GALNTL6: variants seen among roughly 807,000 people sequenced by gnomAD.
The protein encoded by GALNTL6 is polypeptide N-acetylgalactosaminyltransferase like 6.
Under a neutral mutation model 73.7 loss-of-function variants are expected in GALNTL6, and 46 were observed. That is an observed-to-expected ratio of 0.62 (90% CI 0.49 to 0.80). GALNTL6 has a LOEUF of 0.80. Among genes scored for constraint, GALNTL6 ranks in the 30% least tolerant of loss-of-function variants. The pLI is 0.00. For missense variants in GALNTL6, 604 were observed against 755.0 expected, an observed-to-expected ratio of 0.80 and a Z score of 2.34; for synonymous variants, 259 against 263.7, an observed-to-expected ratio of 0.98 and a Z score of 0.17.
chr4:171,842,354 C>T (rs1421382268), intron 2 of GALNTL6, among the ~76,000 whole-genome samples: 1 of 152,064 alleles, frequency 6.6e-6, no homozygotes, highest in Non-Finnish European at 1.5e-5. Context: ...TGCAATTATA[C>T]ACTTTTAATA....
At chr4:172,494,485 A>G (rs1387871687) in intron 5 of GALNTL6, among the ~76,000 whole-genome samples, 3 of 152,196 alleles carry the variant, frequency 2.0e-5, no homozygotes, top group Non-Finnish European at 4.4e-5. Context: ...CAGAACTAAC[A>G]GGATAGATGA....
chr4:171,813,938 C>G lies in GALNTL6; in HGVS notation c.-222C>G, dbSNP rs934247930. ...TGCCCGGATCCCGAGTCCCTGGATC[C>G]CGGTGGAGCCCGCCGGCAAGCTGGC... is the stretch of plus-strand genomic sequence containing the variant. On this transcript the variant is annotated 5_prime_UTR_variant, in exon 1 of 13. Transcript: ENST00000506823. This position sits in a 1 kb window ranked among gnomAD's most constrained non-coding sequence, Gnocchi z 5.2. 1 of 152,396 alleles carries G rather than the reference C, an allele frequency of 6.6e-6. No individual in the cohort carries two copies. The highest frequency in any genetic ancestry group is 1.5e-5 in the Non-Finnish European group (1 of 68,226). The allele number at this position is 152,396 out of a possible 1,614,324, so 9.4% of individuals were successfully genotyped here. A position where few individuals can be genotyped will look rare whatever the true frequency, so the allele number is the denominator to read the frequency against.
At chr4:172,007,543 A>G (rs978843783) in intron 2 of GALNTL6, among the ~76,000 whole-genome samples, 9 of 152,154 alleles carry the variant, frequency 5.9e-5, no homozygotes, top group African/African-American at 1.9e-4. Context: ...ATATACAACA[A>G]TATCGATCAT....
chr4:172,994,491 A>G (rs543859898), intron 10 of GALNTL6, among the ~76,000 whole-genome samples: 1 of 152,334 alleles, frequency 6.6e-6, no homozygotes, highest in East Asian at 1.9e-4. Context: ...CTCACAGAGA[A>G]ATATTTCAGG....
chr4:171,867,445 T>C (rs1735999908), intron 2 of GALNTL6, among the ~76,000 whole-genome samples: 1 of 152,202 alleles, frequency 6.6e-6, no homozygotes, highest in South Asian at 2.1e-4. Flanking sequence ...TCACCAGCGA[T>C]TTGTCTTTGC....
At chr4:172,156,558 TATATATATAC>T (rs1162548956) in intron 2 of GALNTL6, among the ~76,000 whole-genome samples, 24 of 132,664 alleles carry the variant, frequency 1.8e-4, no homozygotes, top group South Asian at 4.4e-4. Context: ...TATATATATA[TATATATATAC>T]ATACTATATA....
chr4:171,860,879 C>A (rs1409731095), intron 2 of GALNTL6, among the ~76,000 whole-genome samples: 1 of 152,082 alleles, frequency 6.6e-6, no homozygotes, highest in African/African-American at 2.4e-5. Flanking sequence ...TAAGATTTCT[C>A]CCATCTGCTG....
intron 10 of GALNTL6, among the ~76,000 whole-genome samples, chr4:172,989,480 G>A (rs1751448440): frequency 6.6e-6 from 1 of 152,156 alleles, no homozygotes; most frequent in South Asian, 2.1e-4. Context: ...AGAATGATAT[G>A]GTTTGGATTT....
chr4:172,875,322 A>C (rs1432782943), intron 7 of GALNTL6, among the ~76,000 whole-genome samples: 2 of 152,190 alleles, frequency 1.3e-5, no homozygotes, highest in African/African-American at 4.8e-5. Flanking sequence ...GGCCGCTTAG[A>C]AATTAGAAAT....
chr4:172,076,449 C>T (rs1208613839), intron 2 of GALNTL6, among the ~76,000 whole-genome samples: 1 of 152,006 alleles, frequency 6.6e-6, no homozygotes, highest in African/African-American at 2.4e-5. Flanking sequence ...AATTGTGTTG[C>T]TGGAAGTACG....
At chr4:172,044,976 C>T (rs180797380) in intron 2 of GALNTL6, among the ~76,000 whole-genome samples, 10 of 152,054 alleles carry the variant, frequency 6.6e-5, no homozygotes, top group Non-Finnish European at 1.5e-5. Flanking sequence ...AAATGTAAAA[C>T]CCATGTCAAG....
At chr4:172,503,417 T>A (rs1734331674) in intron 5 of GALNTL6, among the ~76,000 whole-genome samples, 1 of 151,610 alleles carries the variant, frequency 6.6e-6, no homozygotes. Context: ...TATGTTATAT[T>A]TCTTATGCAA....
intron 9 of GALNTL6, among the ~76,000 whole-genome samples, chr4:172,935,665 TA>T (rs1239112906): frequency 6.6e-5 from 10 of 152,080 alleles, no homozygotes; most frequent in Non-Finnish European, 1.3e-4. Context: ...TCTACCCAAA[TA>T]AACTAGAAAA....
intron 3 of GALNTL6, among the ~76,000 whole-genome samples, chr4:172,273,285 T>C (rs913922267): frequency 1.3e-5 from 2 of 152,126 alleles, no homozygotes; most frequent in African/African-American, 4.8e-5. Context: ...ACAGATACAA[T>C]AGTGTGTGCA....
chr4:172,639,854 T>C (rs1302926930), intron 5 of GALNTL6, among the ~76,000 whole-genome samples: 2 of 152,124 alleles, frequency 1.3e-5, no homozygotes, highest in African/African-American at 4.8e-5. Flanking sequence ...TTATCCTTTT[T>C]CATCTACTCA....
chr4:172,944,465 A>G (rs1749062402), intron 9 of GALNTL6, among the ~76,000 whole-genome samples: 1 of 152,242 alleles, frequency 6.6e-6, no homozygotes, highest in East Asian at 1.9e-4. Context: ...AAGACTGACC[A>G]CACCACATGT....
chr4:172,109,784 A>T (rs146331212), intron 2 of GALNTL6, among the ~76,000 whole-genome samples: 4 of 152,364 alleles, frequency 2.6e-5, no homozygotes, highest in African/African-American at 9.6e-5. Flanking sequence ...TGAGATTTGC[A>T]GGCCCAGCAC....
Position 172,898,463 on chromosome 4 carries a change from AG to A in GALNTL6, c.1041+15557del, listed in dbSNP as rs368490170. 6.0e-4 allele frequency among the ~76,000 whole-genome samples: 91 copies of A among 151,366 alleles called. 1 individual carries two copies. The East Asian group carries it at 0.013, about 22-fold the overall frequency. The stretch of plus-strand genomic sequence containing the variant: ...AAGATGGTATTTAAAAAAAAAAAAA[AG>A]ATCTCATAAAATAAAACTTTTTTCT... On this transcript the variant is annotated intron_variant, in intron 8 of 12. Transcript: ENST00000506823.
At chr4:172,669,368 C>G (rs1431995453) in intron 5 of GALNTL6, among the ~76,000 whole-genome samples, 1 of 152,132 alleles carries the variant, frequency 6.6e-6, no homozygotes, top group Non-Finnish European at 1.5e-5. Flanking sequence ...AATAATCTAC[C>G]TCAAAATATA....
Sources: allele counts gnomAD v4.1 joint callset (sites outside exome capture counted in the v4.1 genomes callset), GRCh38; gene constraint gnomAD v4.1.1; non-coding constraint Gnocchi (gnomAD v3.1); transcripts MANE v1.5; gene names NCBI Gene and HGNC (gene_info 2026-07-23, HGNC 2026-07-21).